DNAH8: variants seen among roughly 807,000 people sequenced by gnomAD.
DNAH8 encodes axonemal beta dynein heavy chain 8.
In DNAH8, 382 loss-of-function variants were observed where a neutral mutation model predicts 562.1. The ratio of observed to expected loss-of-function variants is 0.68; its 90% CI spans 0.63 to 0.74. The LOEUF is 0.74. DNAH8 is among the 30% of genes least tolerant of loss of function. The pLI, the probability that DNAH8 is intolerant of heterozygous loss-of-function variation, is 0.00. For missense variants in DNAH8, 5,203 were observed against 5,620.4 expected, an observed-to-expected ratio of 0.93 and a Z score of 2.37; for synonymous variants, 1,881 against 1,919.4, an observed-to-expected ratio of 0.98 and a Z score of 0.52.
At chr6:38,911,759 CA>C (rs1780920737) in intron 66 of DNAH8, among the ~76,000 whole-genome samples, 173 bp downstream of exon 66, 1 of 152,188 alleles carries the variant, frequency 6.6e-6, no homozygotes, top group African/African-American at 2.4e-5. Context: ...AAACTCTGAA[CA>C]GAAGAAAATC....
chr6:39,025,159 T>G (rs1173198692), intron 91 of DNAH8, among the ~76,000 whole-genome samples: 1 of 152,260 alleles, frequency 6.6e-6, no homozygotes, highest in Non-Finnish European at 1.5e-5. Context: ...TCCATGTGTG[T>G]GTGTGTGCTG....
intron 32 of DNAH8, among the ~76,000 whole-genome samples, chr6:38,837,691 C>A (rs1285826455): frequency 2.0e-5 from 3 of 152,060 alleles, no homozygotes; most frequent in African/African-American, 7.2e-5. Flanking sequence ...GAAATATAGG[C>A]CTTCTGGAGA....
intron 14 of DNAH8, among the ~76,000 whole-genome samples, chr6:38,779,194 A>G (rs1433283406): frequency 6.6e-6 from 1 of 152,140 alleles, no homozygotes; most frequent in Non-Finnish European, 1.5e-5. Flanking sequence ...CTTCCCTGAG[A>G]GCCAGCGGAT....
At chr6:38,794,702 A>G (rs1429195863) in intron 21 of DNAH8, among the ~76,000 whole-genome samples, 1 of 152,222 alleles carries the variant, frequency 6.6e-6, no homozygotes, top group African/African-American at 2.4e-5. Flanking sequence ...TGTTATATGT[A>G]TGAGATTCAT....
Position 38,909,658 on chromosome 6 carries a change from C to G in DNAH8, c.9654C>G (p.Cys3218Trp). 1 of 1,613,994 alleles carries G rather than the reference C, an allele frequency of 6.2e-7. No individual in the cohort carries two copies. Among genetic ancestry groups the G allele is most frequent in the Non-Finnish European group, 8.5e-7 (1 of 1,179,868 alleles). ...TCCTTTCAGACTATAATATTGTCTGCTCTAGTGAAATTAAAAGACAAGTTG... is the reference window on the plus strand; with the variant it reads ...TCCTTTCAGACTATAATATTGTCTGGTCTAGTGAAATTAAAAGACAAGTTG... ...SYFLSDYNIV[C>W]SSEIKRQVVE... Residue 3218 changes from cysteine (C) to tryptophan (W), a missense_variant, in exon 65 of 93, where the codon TGC (cysteine) becomes TGG (tryptophan). By Grantham distance (215) the Cys-to-Trp change is radical. This residue lies in a region of DNAH8 where 977 missense variants were observed against 1,061.8 expected (regional missense o/e 0.92). Transcript: ENST00000327475.
intron 74 of DNAH8, among the ~76,000 whole-genome samples, chr6:38,928,487 T>G (rs1029853946): frequency 2.0e-5 from 3 of 152,236 alleles, no homozygotes; most frequent in Non-Finnish European, 4.4e-5. Context: ...CAGCACATTA[T>G]TTGTATAAAG....
intron 91 of DNAH8, among the ~76,000 whole-genome samples, chr6:39,017,908 G>A (rs1389193124): frequency 6.6e-6 from 1 of 152,196 alleles, no homozygotes; most frequent in Non-Finnish European, 1.5e-5. Flanking sequence ...TGCCGTTTGT[G>A]GAGGTGGGAA....
At chr6:38,831,843 G>A (rs1773860164) in intron 30 of DNAH8, among the ~76,000 whole-genome samples, 2 of 152,202 alleles carry the variant, frequency 1.3e-5, no homozygotes, top group South Asian at 2.1e-4. Flanking sequence ...CATTATTTAA[G>A]TGCTGGCAAT....
At chr6:38,965,847 A>G (rs1052015568) in intron 82 of DNAH8, among the ~76,000 whole-genome samples, 2 of 152,208 alleles carry the variant, frequency 1.3e-5, no homozygotes, top group Non-Finnish European at 2.9e-5. Context: ...AATGCCAATC[A>G]ATCTTTTTCT....
At chr6:38,841,484 G>A (rs1049808714) in intron 33 of DNAH8, among the ~76,000 whole-genome samples, 1 of 152,038 alleles carries the variant, frequency 6.6e-6, no homozygotes, top group African/African-American at 2.4e-5. Context: ...TTTATTTTTG[G>A]TTTTTGAAGT....
At chr6:38,735,945 C>T (rs1228814906) in intron 5 of DNAH8, among the ~76,000 whole-genome samples, 1 of 152,082 alleles carries the variant, frequency 6.6e-6, no homozygotes, top group Admixed American at 6.6e-5. Flanking sequence ...CGAGACCACC[C>T]TGGGCAACAG....
In DNAH8 at chr6:38,770,698, G is replaced by A. The variant is rs147927909; in HGVS notation, c.1764+139G>A. On this transcript the variant is annotated intron_variant, in intron 12 of 92. Transcript: ENST00000327475. ...ATGACTTGTCTAATATTACTTATAG[G>A]TCACTGCATTTTATTATAACTTATT... The A allele has an allele frequency of 8.7e-4, 658 of 755,768 alleles. 2 individuals are homozygous for A. The African/African-American group carries it at 0.01, about 12-fold the overall frequency. The allele number at this position is 755,768 out of a possible 1,614,324, so 46.8% of individuals were successfully genotyped here. A position where few individuals can be genotyped will look rare whatever the true frequency, so the allele number is the denominator to read the frequency against.
intron 87 of DNAH8, among the ~76,000 whole-genome samples, chr6:38,988,057 T>C (rs1764524292): frequency 6.6e-6 from 1 of 152,144 alleles, no homozygotes; most frequent in Non-Finnish European, 1.5e-5. Context: ...TCATCCAGAG[T>C]TGCCCATGGG....
At position 38,868,157 on chromosome 6, in the gene DNAH8, T is replaced by A. The variant is rs1483603641; in HGVS notation, c.6789T>A (p.Ile2263=). The change falls in exon 48 of 93, where the codon ATT becomes ATA. Residue 2263 remains isoleucine, a synonymous_variant. Transcript: ENST00000327475. ...GACCAGAAGATAGTGAATTAAGCAT[T>A]GTCATGAGAGGACTAAGAGATATGA... The part of the protein sequence containing the change: ...RARPEDSELS[I]VMRGLRDMNL... The A allele has an allele frequency of 6.2e-7, 1 of 1,613,884 alleles. No homozygotes were observed. Among genetic ancestry groups the A allele is most frequent in the Admixed American group, 1.7e-5 (1 of 60,014 alleles).
At chr6:38,907,886 G>C in intron 63 of DNAH8, 70 bp from the exon 64 acceptor site, 1 of 1,273,558 alleles carries the variant, frequency 7.9e-7, no homozygotes, top group Non-Finnish European at 1.0e-6. Context: ...AAAAGGGACT[G>C]GACTTTGGCA....
At chr6:38,826,120 T>C in intron 28 of DNAH8, 36 bp from the exon 29 acceptor site, 2 of 1,419,424 alleles carry the variant, frequency 1.4e-6, no homozygotes, top group South Asian at 1.4e-5. Flanking sequence ...AGAATGCCAG[T>C]TATATTCTAA....
intron 86 of DNAH8, among the ~76,000 whole-genome samples, chr6:38,983,742 C>T: frequency 6.6e-6 from 1 of 152,106 alleles, no homozygotes; most frequent in East Asian, 1.9e-4. Context: ...CAGAGGATTG[C>T]ATTGAGGAAA....
rs951938551 is a variant in DNAH8, at chr6:38,875,903, C to A, written c.7858+75C>A. 136 of 893,326 alleles carry A rather than the reference C, an allele frequency of 1.5e-4. 1 individual carries two copies. The South Asian group carries it at 2.1e-3, about 14-fold the overall frequency. 55.3% of individuals were successfully genotyped at this position (893,326 alleles called of 1,614,324 possible). A position where few individuals can be genotyped will look rare whatever the true frequency, so the allele number is the denominator to read the frequency against. On this transcript the variant is annotated intron_variant, in intron 53 of 92. Coordinates refer to ENST00000327475, the MANE Select transcript of DNAH8 (RefSeq NM_001206927.2). ...AAAATATAAGCTTTCATAAACTCTTCTATGAGAGAATATTAAAACAATTAT... is the reference window on the plus strand; with the variant it reads ...AAAATATAAGCTTTCATAAACTCTTATATGAGAGAATATTAAAACAATTAT...
intron 79 of DNAH8, among the ~76,000 whole-genome samples, chr6:38,941,769 C>T (rs1783481639): frequency 6.6e-6 from 1 of 152,082 alleles, no homozygotes; most frequent in South Asian, 2.1e-4. Flanking sequence ...GGGTAGGGGG[C>T]ATTGAAGCGT....
Sources: gnomAD v4.1 joint callset for allele counts (sites outside exome capture counted in the v4.1 genomes callset) on GRCh38, gnomAD v4.1.1 for gene constraint, gnomAD v4.1.1 regional missense constraint, MANE v1.5 for transcripts, NCBI Gene and HGNC (gene_info 2026-07-23, HGNC 2026-07-21) for gene names.